The following ZNF385D variants were observed in gnomAD, a reference collection of about 807,000 sequenced individuals.
The protein encoded by ZNF385D is zinc finger protein 385D, also known as zinc finger protein 659.
ZNF385D carries 15 observed loss-of-function variants against 35.8 expected under a neutral mutation model. The ratio of observed to expected loss-of-function variants is 0.42; its 90% CI spans 0.28 to 0.64. ZNF385D has a LOEUF of 0.64. Ranked by LOEUF, ZNF385D falls within the 30% of genes least tolerant of loss-of-function variation. ZNF385D has a pLI of 0.23. For synonymous variants in ZNF385D, 212 were observed against 186.8 expected, an observed-to-expected ratio of 1.13 and a Z score of -1.10; for missense variants, 474 against 494.6, an observed-to-expected ratio of 0.96 and a Z score of 0.39.
At chr3:21,537,477 G>C (rs1266789526) in intron 3 of ZNF385D, among the ~76,000 whole-genome samples, 1 of 151,974 alleles carries the variant, frequency 6.6e-6, no homozygotes, top group Non-Finnish European at 1.5e-5. Context: ...ATGTGACCCT[G>C]TGCTAGTACA....
At chr3:21,967,302 A>C (rs76631370) in intron 3 of ZNF385D, among the ~76,000 whole-genome samples, 2,350 of 152,266 alleles carry the variant, frequency 0.015, 55 homozygotes, top group East Asian at 0.071. Context: ...TTTTTCCCCC[A>C]AAATTTACTG....
chr3:21,821,885 G>C (rs1024297239), intron 3 of ZNF385D, among the ~76,000 whole-genome samples: 6 of 149,792 alleles, frequency 4.0e-5, no homozygotes, highest in Non-Finnish European at 7.4e-5. Context: ...AGGATCACTA[G>C]AGCCTGGGAG....
intron 3 of ZNF385D, among the ~76,000 whole-genome samples, chr3:21,972,586 G>T (rs1408087977): frequency 6.6e-6 from 1 of 151,780 alleles, no homozygotes; most frequent in African/African-American, 2.4e-5. Context: ...GAACTTCGGA[G>T]CAGAAATAAA....
At chr3:22,112,744 A>C (rs758840685) in intron 3 of ZNF385D, among the ~76,000 whole-genome samples, 1 of 152,120 alleles carries the variant, frequency 6.6e-6, no homozygotes, top group Non-Finnish European at 1.5e-5. Context: ...CATTCTCAGG[A>C]AAGGCTAAAA....
chr3:22,177,742 C>T (rs1694932290), intron 2 of ZNF385D, among the ~76,000 whole-genome samples: 1 of 152,258 alleles, frequency 6.6e-6, no homozygotes, highest in African/African-American at 2.4e-5. Flanking sequence ...TCTCCCCAAA[C>T]CCCACAACAG....
intron 2 of ZNF385D, among the ~76,000 whole-genome samples, chr3:22,361,834 AAAGT>A (rs1184185213): frequency 2.0e-5 from 3 of 151,982 alleles, no homozygotes; most frequent in South Asian, 4.1e-4. Flanking sequence ...CTAAAAAAAG[AAAGT>A]AAGGCCTACC....
chr3:22,036,848 G>A (rs1698356343), intron 3 of ZNF385D, among the ~76,000 whole-genome samples: 1 of 145,522 alleles, frequency 6.9e-6, no homozygotes, highest in Non-Finnish European at 1.5e-5. Context: ...ATCTCCTAAT[G>A]CTATCCCTCC....
intron 3 of ZNF385D, among the ~76,000 whole-genome samples, chr3:22,101,317 T>G (rs75345241): frequency 0.01 from 1,544 of 152,112 alleles, 68 homozygotes; most frequent in Admixed American, 0.081. Context: ...GATAGAGAGA[T>G]AGAAGTAGGT....
intron 2 of ZNF385D, among the ~76,000 whole-genome samples, chr3:22,210,604 T>A (rs1445947531): frequency 6.6e-6 from 1 of 151,946 alleles, no homozygotes; most frequent in Non-Finnish European, 1.5e-5. Context: ...TGGATATAGA[T>A]AAATATAAAA....
chr3:21,878,737 T>C (rs1698113834), intron 3 of ZNF385D, among the ~76,000 whole-genome samples: 1 of 152,106 alleles, frequency 6.6e-6, no homozygotes, highest in Admixed American at 6.6e-5. Context: ...GATGTGCTTC[T>C]ATTTTCTATT....
At chr3:21,678,515 G>A (rs6763632) in intron 1 of ZNF385D, among the ~76,000 whole-genome samples, 31,073 of 151,954 alleles carry the variant, frequency 0.2, 3,423 homozygotes, top group East Asian at 0.29. Context: ...TGTAGAAAAC[G>A]CAACAACAAA....
rs149043035 is a variant in ZNF385D at position 21,958,634 on chromosome 3, G to A, written c.325+210183C>T. Among the ~76,000 whole-genome samples the A allele has an allele frequency of 2.0e-3, 310 of 152,036 alleles. 2 individuals are homozygous for A. Among genetic ancestry groups the A allele is most frequent in the African/African-American group, 7.1e-3 (295 of 41,482 alleles). ...AATTTTACCTGTAATATAATCCCAG[G>A]GTAGAACTAGATTCTATCGCCAAAT... On this transcript the variant is annotated intron_variant, in intron 3 of 5. Transcript: ENST00000494108.
At chr3:21,979,265 C>T (rs1694263872) in intron 3 of ZNF385D, among the ~76,000 whole-genome samples, 1 of 152,090 alleles carries the variant, frequency 6.6e-6, no homozygotes, top group African/African-American at 2.4e-5. Context: ...GGGAAAAAAA[C>T]CCACAAAATT....
chr3:22,312,077 T>C (rs960348137), intron 2 of ZNF385D, among the ~76,000 whole-genome samples: 1 of 152,128 alleles, frequency 6.6e-6, no homozygotes, highest in Non-Finnish European at 1.5e-5. Context: ...ACCTACTCAC[T>C]TTCTAATAAC....
intron 3 of ZNF385D, among the ~76,000 whole-genome samples, chr3:22,047,291 A>G (rs756605682): frequency 2.6e-5 from 4 of 152,022 alleles, no homozygotes; most frequent in Admixed American, 1.3e-4. Context: ...ATCTACTCTC[A>G]GCAATTTTCA....
intron 3 of ZNF385D, among the ~76,000 whole-genome samples, chr3:21,910,583 C>T (rs918799696): frequency 6.6e-6 from 1 of 151,812 alleles, no homozygotes; most frequent in African/African-American, 2.4e-5. Context: ...GAAAGTTTAA[C>T]GGGCAAACCA....
intron 3 of ZNF385D, among the ~76,000 whole-genome samples, chr3:22,148,144 A>C (rs747971460): frequency 6.6e-6 from 1 of 152,168 alleles, no homozygotes; most frequent in Non-Finnish European, 1.5e-5. Flanking sequence ...ATAGAACCAT[A>C]TAATTCAAGG....
intron 2 of ZNF385D, among the ~76,000 whole-genome samples, chr3:22,263,736 A>C (rs1293395941): frequency 6.6e-6 from 1 of 152,014 alleles, no homozygotes; most frequent in African/African-American, 2.4e-5. Flanking sequence ...AACCAGGGGC[A>C]GTTTTTATGC....
At chr3:21,978,331 G>A (rs1245562935) in intron 3 of ZNF385D, 1 of 152,190 alleles carries the variant, frequency 6.6e-6, no homozygotes, top group Admixed American at 6.5e-5. Context: ...TCTGTTACTG[G>A]TATGATCTAA....
Sources: allele counts gnomAD v4.1 joint callset (sites outside exome capture counted in the v4.1 genomes callset), GRCh38; gene constraint gnomAD v4.1.1; transcripts MANE v1.5; gene names NCBI Gene and HGNC (gene_info 2026-07-23, HGNC 2026-07-21).